SAE1: variants seen among roughly 807,000 people sequenced by gnomAD.
SAE1 encodes SUMO1 activating enzyme subunit 1.
SAE1 carries 11 observed loss-of-function variants against 40.6 expected under a neutral mutation model. That is an observed-to-expected ratio of 0.27 (90% CI 0.17 to 0.45). The LOEUF is 0.45. SAE1 is among the 20% of genes least tolerant of loss of function. SAE1 has a pLI of 1.00. For synonymous variants in SAE1, 155 were observed against 154.3 expected (o/e 1.00, Z -0.03); for missense variants, 373 against 427.3 (o/e 0.87, Z 1.12).
chr19:47,170,697 G>C (rs1262965861), intron 6 of SAE1, among the ~76,000 whole-genome samples: 1 of 152,000 alleles, frequency 6.6e-6, no homozygotes, highest in Middle Eastern at 3.4e-3. Flanking sequence ...TTGTAGAAGC[G>C]AAGTTTCTCC....
chr19:47,131,165 C>G, intron 1 of SAE1, 137 bp downstream of exon 1: 1 of 1,412,570 alleles, frequency 7.1e-7, no homozygotes, highest in Non-Finnish European at 9.2e-7. Context: ...TCGTCTCTCT[C>G]TTGGGGGGAC....
At chr19:47,178,148 G>A (rs945589726) in intron 6 of SAE1, among the ~76,000 whole-genome samples, 2 of 152,038 alleles carry the variant, frequency 1.3e-5, no homozygotes, top group Non-Finnish European at 1.5e-5. Flanking sequence ...GGGGGAGGCA[G>A]GAGAATCGCT....
At chr19:47,153,538 C>T (rs1318290186) in intron 4 of SAE1, among the ~76,000 whole-genome samples, 1 of 152,118 alleles carries the variant, frequency 6.6e-6, no homozygotes, top group Non-Finnish European at 1.5e-5. Flanking sequence ...CAGTTTCTGA[C>T]CACCCCCTCC....
chr19:47,147,203 T>G (rs940902684), intron 2 of SAE1, among the ~76,000 whole-genome samples: 1 of 123,936 alleles, frequency 8.1e-6, no homozygotes, highest in Non-Finnish European at 1.6e-5. Context: ...GTATGGGTTT[T>G]TTTTTTTTTT....
chr19:47,166,769 G>T (rs2058395624), intron 5 of SAE1, among the ~76,000 whole-genome samples: 1 of 152,072 alleles, frequency 6.6e-6, no homozygotes, highest in African/African-American at 2.4e-5. Flanking sequence ...AGGGCCTGGT[G>T]GTCTATATAG....
At chr19:47,150,450 C>T (rs2058281453) in intron 3 of SAE1, 75 bp downstream of exon 3, 1 of 1,171,430 alleles carries the variant, frequency 8.5e-7, no homozygotes, top group East Asian at 2.4e-5. Context: ...TTTCAAATCC[C>T]AAAGCAATCT....
At chr19:47,190,714 C>T (rs77280178) in intron 6 of SAE1, among the ~76,000 whole-genome samples, 1,683 of 152,264 alleles carry the variant, frequency 0.011, 25 homozygotes, top group African/African-American at 0.039. Flanking sequence ...CAGCTGCTGC[C>T]GCCTTTGCTC....
chr19:47,162,675 G>A (rs1199890957), intron 5 of SAE1, among the ~76,000 whole-genome samples: 1 of 152,058 alleles, frequency 6.6e-6, no homozygotes, highest in African/African-American at 2.4e-5. Context: ...TATATTACTT[G>A]TTACTGTTAG....
intron 6 of SAE1, chr19:47,180,334 A>G: frequency 2.2e-6 from 1 of 452,168 alleles, no homozygotes; most frequent in Non-Finnish European, 4.4e-6. Flanking sequence ...TATGCCAGAA[A>G]GTAAGGAAGT....
chr19:47,164,639 CTTTTTTTTTTTT>C (rs1166301382), intron 5 of SAE1, among the ~76,000 whole-genome samples: 6 of 78,394 alleles, frequency 7.7e-5, no homozygotes, highest in East Asian at 3.9e-4. Context: ...GAGAATTCAC[CTTTTTTTTTTTT>C]TTTTTTTTTT....
chr19:47,137,591 G>A (rs944606903), intron 1 of SAE1, among the ~76,000 whole-genome samples: 42 of 151,874 alleles, frequency 2.8e-4, no homozygotes, highest in African/African-American at 8.0e-4. Context: ...TCCACCTCCC[G>A]GGTTCAAGGG....
chr19:47,189,332 C>T (rs966211803), intron 6 of SAE1, among the ~76,000 whole-genome samples: 2 of 151,920 alleles, frequency 1.3e-5, no homozygotes, highest in South Asian at 2.1e-4. Context: ...CTGAGGCAGG[C>T]GGATCACGAG....
rs577808302 is a variant in SAE1 at position 47,140,291 on chromosome 19, A to G, written c.99-3203A>G. On this transcript the variant is annotated intron_variant, in intron 1 of 8. Coordinates refer to ENST00000270225, the MANE Select transcript of SAE1 (RefSeq NM_005500.3). Reference sequence around the variant, plus strand: ...CCAGCTAATTTTTTATATTTTTAGTAGAGATAGGGTTTCACCTTGTTAGCC... The same window carrying G: ...CCAGCTAATTTTTTATATTTTTAGTGGAGATAGGGTTTCACCTTGTTAGCC... Among the ~76,000 whole-genome samples the G allele has an allele frequency of 6.6e-5, 10 of 151,626 alleles. No individual in the cohort carries two copies. The South Asian group carries it at 2.1e-3, about 32-fold the overall frequency.
Position 47,170,096 on chromosome 19 carries a change from C to T in SAE1, c.733+173C>T, listed in dbSNP as rs2058421618. On this transcript the variant is annotated intron_variant, in intron 6 of 8. Coordinates refer to ENST00000270225, the MANE Select transcript of SAE1 (RefSeq NM_005500.3). ...GGTCACTTGAAGGGGGTGAGGTCTA[C>T]CATTGAGCTCTGGGTTCTAATGACT... 2.0e-5 allele frequency among the ~76,000 whole-genome samples: 3 copies of T among 152,188 alleles called. No homozygotes were observed. The South Asian group carries it at 6.2e-4, about 32-fold the overall frequency.
chr19:47,180,284 C>G (rs1453748315), intron 6 of SAE1: 1 of 456,162 alleles, frequency 2.2e-6, no homozygotes, highest in Non-Finnish European at 4.4e-6. Flanking sequence ...GTTTCCAGAT[C>G]TGGGGTAGGA....
At chr19:47,160,836 C>CA (rs2058355512) in intron 5 of SAE1, among the ~76,000 whole-genome samples, 1 of 152,014 alleles carries the variant, frequency 6.6e-6, no homozygotes, top group Non-Finnish European at 1.5e-5. Context: ...GCCAATCCTG[C>CA]TAATTATTAA....
Position 47,143,499 on chromosome 19 carries a change from G to C in SAE1, c.104G>C (p.Arg35Pro). The change falls in exon 2 of 9, where the codon CGG becomes CCG. Residue 35 changes from arginine (R) to proline (P), a missense_variant. Around this residue, in one of 3 missense-constraint regions of SAE1, gnomAD observed 351 missense variants for 390.6 expected, o/e 0.90. Coordinates refer to ENST00000270225, the MANE Select transcript of SAE1 (RefSeq NM_005500.3). ...TAACAATGTTTGTCTTACAGGCTGC[G>C]GGCCTCTCGGGTGCTTCTTGTCGGC... ...LWGLEAQKRLRASRVLLVGLK... is the reference protein window; with the variant it reads ...LWGLEAQKRLPASRVLLVGLK... 1 of 1,613,118 alleles carries C rather than the reference G, an allele frequency of 6.2e-7. No individual in the cohort carries two copies. Among genetic ancestry groups the C allele is most frequent in the Non-Finnish European group, 8.5e-7 (1 of 1,179,168 alleles).
chr19:47,204,187 CTTTTTTTT>C (rs57736880), intron 8 of SAE1, among the ~76,000 whole-genome samples: 1 of 82,100 alleles, frequency 1.2e-5, no homozygotes, highest in Non-Finnish European at 2.2e-5. Flanking sequence ...AAAGCCCTCC[CTTTTTTTT>C]TTTTTTTTTT....
chr19:47,160,425 C>T (rs1335019047), intron 5 of SAE1, among the ~76,000 whole-genome samples: 20 of 134,816 alleles, frequency 1.5e-4, no homozygotes, highest in African/African-American at 4.5e-4. Flanking sequence ...GATGGACTCT[C>T]GCTCTGTCGC....
Sources: allele counts gnomAD v4.1 joint callset (sites outside exome capture counted in the v4.1 genomes callset), GRCh38; gene constraint gnomAD v4.1.1; regional missense constraint gnomAD v4.1.1; transcripts MANE v1.5; gene names NCBI Gene and HGNC (gene_info 2026-07-23, HGNC 2026-07-21).